The following DIAPH3 variants were observed in gnomAD, a reference collection of about 807,000 sequenced individuals.
DIAPH3 encodes diaphanous related formin 3, also known as protein diaphanous homolog 3.
Under a neutral mutation model 144.3 loss-of-function variants are expected in DIAPH3, and 117 were observed. That is an observed-to-expected ratio of 0.81 (90% CI 0.70 to 0.95). DIAPH3 has a LOEUF of 0.95. Among genes scored for constraint, DIAPH3 ranks in the 40% least tolerant of loss-of-function variants. The pLI, the probability that DIAPH3 is intolerant of heterozygous loss-of-function variation, is 0.00. For synonymous variants in DIAPH3, 519 were observed against 488.9 expected, an observed-to-expected ratio of 1.06 and a Z score of -0.81; for missense variants, 1,421 against 1,412.7, an observed-to-expected ratio of 1.01 and a Z score of -0.09.
At chr13:59,872,680 T>C (rs1178276807) in intron 21 of DIAPH3, among the ~76,000 whole-genome samples, 3 of 152,258 alleles carry the variant, frequency 2.0e-5, no homozygotes, top group Non-Finnish European at 4.4e-5. Flanking sequence ...GTCTTGTTTC[T>C]GGTTTTTATT....
At chr13:59,858,049 G>A (rs1157158817) in intron 22 of DIAPH3, among the ~76,000 whole-genome samples, 1 of 152,096 alleles carries the variant, frequency 6.6e-6, no homozygotes, top group Non-Finnish European at 1.5e-5. Flanking sequence ...AGATGCTATG[G>A]AAATAGCAAA....
intron 4 of DIAPH3, among the ~76,000 whole-genome samples, chr13:60,079,463 G>T (rs921577807): frequency 1.4e-4 from 21 of 151,946 alleles, no homozygotes; most frequent in African/African-American, 2.7e-4. Context: ...GAAAGACAAG[G>T]TTAGGGTAAG....
intron 27 of DIAPH3, among the ~76,000 whole-genome samples, chr13:59,675,367 C>T (rs1831457979): frequency 6.6e-6 from 1 of 151,354 alleles, no homozygotes; most frequent in South Asian, 2.1e-4. Context: ...TGTGCCTAGC[C>T]TTTACATGCT....
At chr13:60,149,819 T>C (rs1951702146) in intron 1 of DIAPH3, among the ~76,000 whole-genome samples, 1 of 151,804 alleles carries the variant, frequency 6.6e-6, no homozygotes, top group East Asian at 1.9e-4. Context: ...GGGGCTGCTC[T>C]GCCTATGGAG....
At chr13:59,774,646 A>G in intron 26 of DIAPH3, 82 bp downstream of exon 26, 2 of 1,370,316 alleles carry the variant, frequency 1.5e-6, no homozygotes, top group South Asian at 2.4e-5. Flanking sequence ...CTTGACACAC[A>G]ACTTCAAAAG....
intron 5 of DIAPH3, among the ~76,000 whole-genome samples, chr13:60,020,274 G>C (rs1399349986): frequency 6.6e-6 from 1 of 151,916 alleles, no homozygotes; most frequent in Non-Finnish European, 1.5e-5. Context: ...AACACAAAGA[G>C]ATGACAGATC....
intron 21 of DIAPH3, among the ~76,000 whole-genome samples, chr13:59,870,542 T>C (rs2044195771): frequency 6.6e-6 from 1 of 152,158 alleles, no homozygotes; most frequent in Non-Finnish European, 1.5e-5. Context: ...GGGGCTCTAT[T>C]GAACCCATAG....
At chr13:60,059,260 G>C (rs1296657995) in intron 4 of DIAPH3, among the ~76,000 whole-genome samples, 2 of 151,856 alleles carry the variant, frequency 1.3e-5, no homozygotes, top group African/African-American at 2.4e-5. Flanking sequence ...AAACATTTGA[G>C]TTTATGGGCA....
intron 27 of DIAPH3, among the ~76,000 whole-genome samples, chr13:59,712,222 T>C (rs1290560339): frequency 1.3e-5 from 2 of 152,204 alleles, no homozygotes; most frequent in South Asian, 2.1e-4. Flanking sequence ...CACTGCACTC[T>C]TGGGGCAATG....
At chr13:59,822,544 G>A (rs1266862306) in intron 24 of DIAPH3, among the ~76,000 whole-genome samples, 2 of 152,008 alleles carry the variant, frequency 1.3e-5, no homozygotes, top group African/African-American at 2.4e-5. Context: ...GGGTTCAAGC[G>A]ATTCCCCTGC....
At chr13:59,935,060 G>A (rs2048201440) in intron 17 of DIAPH3, among the ~76,000 whole-genome samples, 1 of 152,138 alleles carries the variant, frequency 6.6e-6, no homozygotes, top group Admixed American at 6.5e-5. Flanking sequence ...CACTGCACAG[G>A]TACACTTATA....
At chr13:59,745,293 T>C (rs2036646382) in intron 27 of DIAPH3, among the ~76,000 whole-genome samples, 1 of 152,190 alleles carries the variant, frequency 6.6e-6, no homozygotes, top group Admixed American at 6.5e-5. Context: ...TTGTTTAACC[T>C]AGAGGTTAAT....
intron 17 of DIAPH3, among the ~76,000 whole-genome samples, chr13:59,938,777 A>T: frequency 6.6e-6 from 1 of 152,172 alleles, no homozygotes; most frequent in East Asian, 1.9e-4. Context: ...AGAAAATGAT[A>T]TTTTTAAAAA....
At chr13:60,073,058 C>G (rs1358771546) in intron 4 of DIAPH3, among the ~76,000 whole-genome samples, 1 of 152,086 alleles carries the variant, frequency 6.6e-6, no homozygotes, top group Non-Finnish European at 1.5e-5. Flanking sequence ...CCTGTAATCC[C>G]AACGCTTTGG....
chr13:59,929,927 C>T (rs1169526764), intron 17 of DIAPH3, among the ~76,000 whole-genome samples: 5 of 152,044 alleles, frequency 3.3e-5, no homozygotes, highest in African/African-American at 1.2e-4. Flanking sequence ...AAAATAAAAT[C>T]CATTTGAACT....
intron 20 of DIAPH3, among the ~76,000 whole-genome samples, chr13:59,898,134 CAAAAAAA>C (rs34238599): frequency 6.9e-5 from 5 of 72,196 alleles, no homozygotes; most frequent in Non-Finnish European, 7.2e-5. Context: ...GACTCTGCCT[CAAAAAAA>C]AAAAAAAAAA....
In DIAPH3 at chr13:59,786,768, G is replaced by C. The variant is rs577285740; in HGVS notation, c.3164-11945C>G. Reference sequence around the variant, plus strand: ...AGCTCTGTGTGTATGTGTTTAGGGAGAGGGGGTAGAGAAGGTGGCTCTGTG... The same window carrying C: ...AGCTCTGTGTGTATGTGTTTAGGGACAGGGGGTAGAGAAGGTGGCTCTGTG... On this transcript the variant is annotated intron_variant, in intron 25 of 27. Transcript: ENST00000400324. Among the ~76,000 whole-genome samples, 3 of 152,316 alleles carry C rather than the reference G, an allele frequency of 2.0e-5. No individual in the cohort carries two copies. The East Asian group carries it at 5.8e-4, about 29-fold the overall frequency.
At chr13:59,743,882 T>TA (rs1246176696) in intron 27 of DIAPH3, among the ~76,000 whole-genome samples, 1 of 152,096 alleles carries the variant, frequency 6.6e-6, no homozygotes, top group Non-Finnish European at 1.5e-5. Flanking sequence ...AAAAGCACTT[T>TA]AATAGAGGAA....
At chr13:60,000,804 T>G (rs1256212973) in intron 9 of DIAPH3, among the ~76,000 whole-genome samples, 2 of 152,188 alleles carry the variant, frequency 1.3e-5, no homozygotes. Flanking sequence ...AATCATGTTT[T>G]CCCTTTATTC....
Sources: gnomAD v4.1 joint callset for allele counts (sites outside exome capture counted in the v4.1 genomes callset) on GRCh38, gnomAD v4.1.1 for gene constraint, MANE v1.5 for transcripts, NCBI Gene and HGNC (gene_info 2026-07-23, HGNC 2026-07-21) for gene names.